Variants in CBX5 observed in about 807,000 individuals in gnomAD.
CBX5 encodes chromobox protein homolog 5.
A neutral mutation model predicts 20.7 loss-of-function variants in CBX5; 7 were observed. That is an observed-to-expected ratio of 0.34 (90% CI 0.19 to 0.63). The LOEUF (loss-of-function observed/expected upper bound fraction) is 0.63, where lower values mean the gene tolerates loss of function less well. Among genes scored for constraint, CBX5 ranks in the 30% least tolerant of loss-of-function variants. The pLI is 0.75. For missense variants in CBX5, 110 were observed against 224.1 expected, an observed-to-expected ratio of 0.49 and a Z score of 3.25; for synonymous variants, 78 against 77.0, an observed-to-expected ratio of 1.01 and a Z score of -0.07.
intron 1 of CBX5, among the ~76,000 whole-genome samples, chr12:54,258,745 TAC>T (rs1943886395): frequency 6.6e-6 from 1 of 152,220 alleles, no homozygotes; most frequent in Non-Finnish European, 1.5e-5. Context: ...CAGTCTGGAT[TAC>T]AGAGTAGCAG....
chr12:54,269,441 T>G (rs1235012598), intron 1 of CBX5, among the ~76,000 whole-genome samples: 1 of 151,940 alleles, frequency 6.6e-6, no homozygotes, highest in African/African-American at 2.4e-5. Flanking sequence ...CAGGCTGGAG[T>G]GCGGTGGTGC....
At chr12:54,275,996 A>C (rs1443833660) in intron 1 of CBX5, among the ~76,000 whole-genome samples, 3 of 151,930 alleles carry the variant, frequency 2.0e-5, no homozygotes, top group Non-Finnish European at 4.4e-5. Context: ...ATTCCAAAAA[A>C]AAAAAAAAAA....
In CBX5 at chr12:54,240,921, C is replaced by A. The variant is rs1037507892; in HGVS notation, c.*834G>T. ...GAGGAATGGAAAGAAATCATACATA[C>A]ATACCATATATGATAATAAAGACAA... On this transcript the variant is annotated 3_prime_UTR_variant, in exon 5 of 5. Transcript: ENST00000209875. The A allele has an allele frequency of 6.6e-6, 1 of 152,168 alleles. No individual in the cohort carries two copies. Among genetic ancestry groups the A allele is most frequent in the Non-Finnish European group, 1.5e-5 (1 of 68,024 alleles). The allele number at this position is 152,168 out of a possible 1,614,324, so 9.4% of individuals were successfully genotyped here.
At position 54,241,566 on chromosome 12, in the gene CBX5, C is replaced by A; in HGVS notation, c.*189G>T. 4 of 574,796 alleles carry A rather than the reference C, an allele frequency of 7.0e-6. No homozygotes were observed. Among genetic ancestry groups the A allele is most frequent in the Non-Finnish European group, 1.2e-5 (4 of 332,358 alleles). The allele number at this position is 574,796 out of a possible 1,614,324, so 35.6% of individuals were successfully genotyped here. On this transcript the variant is annotated 3_prime_UTR_variant, in exon 5 of 5. Coordinates refer to ENST00000209875, the MANE Select transcript of CBX5 (RefSeq NM_012117.3). ...TAAATGCCTGGTCTTCACAGAGAGACACTTATCATTAATCAGACCATCAGT... is the reference window on the plus strand; with the variant it reads ...TAAATGCCTGGTCTTCACAGAGAGAAACTTATCATTAATCAGACCATCAGT...
intron 1 of CBX5, among the ~76,000 whole-genome samples, chr12:54,265,191 A>G (rs1318738672): frequency 6.6e-6 from 1 of 152,224 alleles, no homozygotes; most frequent in Non-Finnish European, 1.5e-5. Flanking sequence ...ATTGTCAGCT[A>G]CAGCACTGTC....
chr12:54,243,991 C>T (rs117379212), intron 4 of CBX5, among the ~76,000 whole-genome samples: 2,011 of 152,052 alleles, frequency 0.013, 18 homozygotes, highest in Middle Eastern at 0.041. Flanking sequence ...AAATGTTAAG[C>T]CTTTTGATTA....
chr12:54,279,753 G>A (rs554731243), intron 1 of CBX5, among the ~76,000 whole-genome samples: 1 of 152,286 alleles, frequency 6.6e-6, no homozygotes, highest in African/African-American at 2.4e-5. Context: ...GATGGCCCAA[G>A]GGCCGATCAG....
chr12:54,279,511 A>C (rs979493932), intron 1 of CBX5, among the ~76,000 whole-genome samples: 9 of 152,058 alleles, frequency 5.9e-5, no homozygotes, highest in African/African-American at 2.2e-4. Context: ...CACAACCCCA[A>C]ATCGAAGACC....
At chr12:54,248,471 T>G (rs1008272190) in intron 3 of CBX5, among the ~76,000 whole-genome samples, 2 of 152,226 alleles carry the variant, frequency 1.3e-5, no homozygotes, top group Admixed American at 6.5e-5. Flanking sequence ...TACAAAGCAT[T>G]TGGGGTCCGG....
chr12:54,269,273 A>C (rs527644459), intron 1 of CBX5, among the ~76,000 whole-genome samples: 11 of 152,222 alleles, frequency 7.2e-5, no homozygotes, highest in African/African-American at 2.6e-4. Context: ...AAAATAAATA[A>C]ATAAATAACT....
intron 2 of CBX5, among the ~76,000 whole-genome samples, chr12:54,254,915 C>A (rs1191730998): frequency 6.6e-6 from 1 of 152,090 alleles, no homozygotes; most frequent in Non-Finnish European, 1.5e-5. Flanking sequence ...CCAAAACCCA[C>A]AGACCATATA....
chr12:54,270,147 TTTC>T (rs1412616312), intron 1 of CBX5, among the ~76,000 whole-genome samples: 1 of 152,186 alleles, frequency 6.6e-6, no homozygotes, highest in East Asian at 1.9e-4. Context: ...TCATTACTAT[TTTC>T]TTGTTTATTT....
chr12:54,254,821 C>T (rs2137019640), intron 2 of CBX5, among the ~76,000 whole-genome samples: 1 of 152,138 alleles, frequency 6.6e-6, no homozygotes, highest in South Asian at 2.1e-4. Context: ...CCATTGCACA[C>T]CAGCCTGGGC....
rs765841210 is a variant in CBX5, at chr12:54,257,668, C to T, written c.-18G>A. On this transcript the variant is annotated 5_prime_UTR_variant, in exon 2 of 5. Coordinates refer to ENST00000209875, the MANE Select transcript of CBX5 (RefSeq NM_012117.3). Reference sequence around the variant, plus strand: ...TTTCCCATGTCGCACACCGTTCCACCTGAAAGACTAAGGCCACCAGGTCCC... The same window carrying T: ...TTTCCCATGTCGCACACCGTTCCACTTGAAAGACTAAGGCCACCAGGTCCC... The T allele has an allele frequency of 2.8e-5, 45 of 1,613,972 alleles. No homozygotes were observed. Among genetic ancestry groups the T allele is most frequent in the Non-Finnish European group, 3.6e-5 (43 of 1,179,972 alleles).
At chr12:54,252,002 A>G (rs1380501915) in intron 3 of CBX5, 39 bp downstream of exon 3, 4 of 1,478,714 alleles carry the variant, frequency 2.7e-6, no homozygotes, top group Non-Finnish European at 3.6e-6. Context: ...TTTTGGTGGC[A>G]AAAGAATAGT....
In CBX5 at chr12:54,232,214, A is replaced by G. The variant is rs1239380662; in HGVS notation, c.*9541T>C. ...ACAACATCCTAAGTAAGTCTGGACT[A>G]GTAAGATTCCAACATTCATGAAAAC... On this transcript the variant is annotated 3_prime_UTR_variant, in exon 5 of 5. Transcript: ENST00000209875. 2.0e-5 allele frequency: 3 copies of G among 152,120 alleles called. No homozygotes were observed. Among genetic ancestry groups the G allele is most frequent in the African/African-American group, 4.8e-5 (2 of 41,404 alleles). 9.4% of individuals were successfully genotyped at this position (152,120 alleles called of 1,614,324 possible). A position where few individuals can be genotyped will look rare whatever the true frequency, so the allele number is the denominator to read the frequency against.
chr12:54,246,316 A>G, intron 3 of CBX5, 101 bp from the exon 4 acceptor site: 1 of 858,324 alleles, frequency 1.2e-6, no homozygotes, highest in Non-Finnish European at 1.8e-6. Flanking sequence ...ATATCTCCTG[A>G]TATCATTTCT....
At position 54,235,064 on chromosome 12, in the gene CBX5, C is replaced by CT. The variant is rs199582360; in HGVS notation, c.*6690dup. The CT allele has an allele frequency of 6.6e-6, 1 of 152,214 alleles. No individual in the cohort carries two copies. Among genetic ancestry groups the CT allele is most frequent in the Non-Finnish European group, 1.5e-5 (1 of 68,036 alleles). 9.4% of individuals were successfully genotyped at this position (152,214 alleles called of 1,614,324 possible). On this transcript the variant is annotated 3_prime_UTR_variant, in exon 5 of 5. Transcript: ENST00000209875. ...ATGAAACTATCTAAAAAACTTCACACTTTAACTTTCCAGAGCAGTTACTCT... is the reference window on the plus strand; with the variant it reads ...ATGAAACTATCTAAAAAACTTCACACTTTTAACTTTCCAGAGCAGTTACTCT...
At chr12:54,268,241 TA>T (rs375334225) in intron 1 of CBX5, among the ~76,000 whole-genome samples, 1 of 151,826 alleles carries the variant, frequency 6.6e-6, no homozygotes, top group Non-Finnish European at 1.5e-5. Flanking sequence ...TTAAAAGCTG[TA>T]AAAAAAATAC....
Sources: gnomAD v4.1 joint callset for allele counts (sites outside exome capture counted in the v4.1 genomes callset) on GRCh38, gnomAD v4.1.1 for gene constraint, MANE v1.5 for transcripts, NCBI Gene and HGNC (gene_info 2026-07-23, HGNC 2026-07-21) for gene names.